The following SNX19 variants were observed in gnomAD, a reference collection of about 807,000 sequenced individuals.
The protein encoded by SNX19 is sorting nexin-19.
SNX19 carries 60 observed loss-of-function variants against 85.2 expected under a neutral mutation model. The observed-to-expected ratio is 0.70, with a 90% CI of 0.57 to 0.87. The LOEUF is 0.87. Ranked by LOEUF, SNX19 falls within the 40% of genes least tolerant of loss-of-function variation. The probability of loss-of-function intolerance (pLI) is 0.00; values close to 1 mark genes in which losing one functional copy is unlikely to be tolerated. For synonymous variants in SNX19, 520 were observed against 470.0 expected (o/e 1.11, Z -1.38); for missense variants, 1,201 against 1,217.8 (o/e 0.99, Z 0.21).
Position 130,914,706 on chromosome 11 carries a change from C to T in SNX19, c.1234G>A (p.Glu412Lys), listed in dbSNP as rs147295812. ...TCAGATGCCTCACCATCTTTGGGTT[C>T]CAGAGCCTGGGAACTCTCTAGGGCA... ...LCALESSQAL[E>K]PKDGEASEGA... Residue 412 changes from glutamate to lysine, a missense_variant, in exon 1 of 11, where the codon GAA becomes AAA. This residue lies in a region of SNX19 where 791 missense variants were observed against 750.9 expected (regional missense o/e 1.05). Coordinates refer to ENST00000265909, the MANE Select transcript of SNX19 (RefSeq NM_014758.3). 13 of 1,613,858 alleles carry T rather than the reference C, an allele frequency of 8.1e-6. No individual in the cohort carries two copies. The highest frequency in any genetic ancestry group is 1.3e-5 in the African/African-American group (1 of 74,880).
Position 130,866,254 on chromosome 11 carries a change from T to C in SNX19, c.*12168A>G, listed in dbSNP as rs546622518. Reference sequence around the variant, plus strand: ...CAATCAATTTAGGAATCAAGAAACATTTGTGTATCTATTTACTAAGCATTT... The same window carrying C: ...CAATCAATTTAGGAATCAAGAAACACTTGTGTATCTATTTACTAAGCATTT... On this transcript the variant is annotated 3_prime_UTR_variant, in exon 11 of 11. Transcript: ENST00000265909. 1 of 152,328 alleles carries C rather than the reference T, an allele frequency of 6.6e-6. No individual in the cohort carries two copies. Among genetic ancestry groups the C allele is most frequent in the African/African-American group, 2.4e-5 (1 of 41,572 alleles). 9.4% of individuals were successfully genotyped at this position (152,328 alleles called of 1,614,324 possible).
intron 8 of SNX19, among the ~76,000 whole-genome samples, chr11:130,889,348 A>G (rs1412828925): frequency 6.6e-6 from 1 of 152,044 alleles, no homozygotes; most frequent in Non-Finnish European, 1.5e-5. Flanking sequence ...TTGTTCATTC[A>G]TTTACTCAAA....
At chr11:130,894,545 A>C (rs1428573880) in intron 8 of SNX19, among the ~76,000 whole-genome samples, 1 of 152,056 alleles carries the variant, frequency 6.6e-6, no homozygotes, top group Non-Finnish European at 1.5e-5. Flanking sequence ...TATAACTGCA[A>C]AACAAACAGG....
At chr11:130,906,533 T>C (rs1945682953) in intron 6 of SNX19, 92 bp downstream of exon 6, 1 of 890,708 alleles carries the variant, frequency 1.1e-6, no homozygotes. Context: ...AGCAGGACAT[T>C]TCTGACTTCA....
chr11:130,888,527 C>G (rs1384247663), intron 8 of SNX19, among the ~76,000 whole-genome samples: 1 of 152,194 alleles, frequency 6.6e-6, no homozygotes, highest in Admixed American at 6.5e-5. Context: ...GTAACTACAA[C>G]TGCATGCTAA....
rs576404351 is a variant in SNX19 at position 130,898,842 on chromosome 11, T to C, written c.2573+4413A>G. ...AGATACGGAGATGCAGTTTGGATTC[T>C]ACAAACTGCCTGATAATCTCCAGTA... On this transcript the variant is annotated intron_variant, in intron 8 of 10. Coordinates refer to ENST00000265909, the MANE Select transcript of SNX19 (RefSeq NM_014758.3). 6.0e-4 allele frequency among the ~76,000 whole-genome samples: 91 copies of C among 151,654 alleles called. 1 individual carries two copies. Among genetic ancestry groups the C allele is most frequent in the Middle Eastern group, 3.4e-3 (1 of 292 alleles).
intron 8 of SNX19, among the ~76,000 whole-genome samples, chr11:130,887,940 C>A (rs1204700839): frequency 6.6e-6 from 1 of 152,058 alleles, no homozygotes; most frequent in Non-Finnish European, 1.5e-5. Context: ...TGTGACCTGA[C>A]CAGCAAAGAA....
At position 130,878,353 on chromosome 11, in the gene SNX19, T is replaced by C; in HGVS notation, c.*69A>G. On this transcript the variant is annotated 3_prime_UTR_variant, in exon 11 of 11. Transcript: ENST00000265909. The stretch of plus-strand genomic sequence containing the variant: ...TAGCCTACTTGAAGAGGGCACGGGC[T>C]TCCTGACTGGTCTCTGGTGGCCGAG... 1 of 1,559,914 alleles carries C rather than the reference T, an allele frequency of 6.4e-7. No individual in the cohort carries two copies. Among genetic ancestry groups the C allele is most frequent in the African/African-American group, 1.4e-5 (1 of 73,284 alleles).
chr11:130,906,256 T>C, intron 6 of SNX19, 123 bp from the exon 7 acceptor site: 1 of 929,752 alleles, frequency 1.1e-6, no homozygotes, highest in Non-Finnish European at 1.6e-6. Flanking sequence ...CAACTGATGC[T>C]ATGACTCCTT....
Position 130,880,748 on chromosome 11 carries a change from G to A in SNX19, c.2632C>T (p.Leu878=), listed in dbSNP as rs1024753395. ...GGCCAGATGGACTCCTGAAGAAGCA[G>A]GAGGTACTGCACCCAGCGCTGTGGA... ...TSPQRWVQYL[L]LLQESIWPGG... Residue 878 remains leucine, a synonymous_variant, in exon 9 of 11, where the codon CTG becomes TTG. Coordinates refer to ENST00000265909, the MANE Select transcript of SNX19 (RefSeq NM_014758.3). 10 of 1,609,824 alleles carry A rather than the reference G, an allele frequency of 6.2e-6. No homozygotes were observed. The highest frequency in any genetic ancestry group is 3.3e-5 in the Admixed American group (2 of 59,908).
At position 130,914,646 on chromosome 11, in the gene SNX19, T is replaced by C; in HGVS notation, c.1294A>G (p.Thr432Ala). 6.2e-7 allele frequency: 1 copy of C among 1,613,948 alleles called. No individual in the cohort carries two copies. Among genetic ancestry groups the C allele is most frequent in the Non-Finnish European group, 8.5e-7 (1 of 1,179,856 alleles). Reference sequence around the variant, plus strand: ...GTGGAGACCGGCAGGCCTGTCTCTGTTTCTGTCCCTGGACCCTCCTCAGCC... The same window carrying C: ...GTGGAGACCGGCAGGCCTGTCTCTGCTTCTGTCCCTGGACCCTCCTCAGCC... ...AEAEEGPGTE[T>A]ETGLPVSTLN... The change falls in exon 1 of 11, where the codon ACA (threonine) becomes GCA (alanine). Residue 432 changes from threonine (T) to alanine (A), a missense_variant. Around this residue, in one of 3 missense-constraint regions of SNX19, gnomAD observed 791 missense variants for 750.9 expected, o/e 1.05. Transcript: ENST00000265909.
At chr11:130,890,315 C>T (rs748437092) in intron 8 of SNX19, among the ~76,000 whole-genome samples, 19 of 152,062 alleles carry the variant, frequency 1.2e-4, no homozygotes, top group Non-Finnish European at 2.5e-4. Context: ...CAGCTGAATG[C>T]CTCATCACCT....
Position 130,911,628 on chromosome 11 carries a change from C to T in SNX19, c.1813+5G>A. ...CGGGCAGTAGGGGTTGGGGAAACTC[C>T]TGACTTTTGATGAACTTTCGTAGAT... On this transcript the variant is annotated splice_donor_5th_base_variant and intron_variant, in intron 2 of 10. Coordinates refer to ENST00000265909, the MANE Select transcript of SNX19 (RefSeq NM_014758.3). The T allele has an allele frequency of 1.2e-6, 2 of 1,614,092 alleles. No homozygotes were observed. The highest frequency in any genetic ancestry group is 1.7e-6 in the Non-Finnish European group (2 of 1,180,006).
In SNX19 at chr11:130,873,984, T is replaced by C. The variant is rs200462105; in HGVS notation, c.*4438A>G. On this transcript the variant is annotated 3_prime_UTR_variant, in exon 11 of 11. Coordinates refer to ENST00000265909, the MANE Select transcript of SNX19 (RefSeq NM_014758.3). ...CATTCTCAGTGTCAGTGGATTGGCA[T>C]GAGGTGGGTGGTTCTAGCCAATGAG... is the stretch of plus-strand genomic sequence containing the variant. Among the ~76,000 whole-genome samples, 1 of 152,112 alleles carries C rather than the reference T, an allele frequency of 6.6e-6. No homozygotes were observed. Among genetic ancestry groups the C allele is most frequent in the East Asian group, 1.9e-4 (1 of 5,162 alleles).
At chr11:130,900,585 C>T (rs1236763684) in intron 8 of SNX19, among the ~76,000 whole-genome samples, 1 of 152,168 alleles carries the variant, frequency 6.6e-6, no homozygotes, top group Non-Finnish European at 1.5e-5. Context: ...CTGAGTTATT[C>T]AAACTTCAGG....
intron 2 of SNX19, 43 bp downstream of exon 2, chr11:130,911,590 C>T (rs778272376): frequency 3.7e-6 from 6 of 1,611,668 alleles, no homozygotes; most frequent in African/African-American, 1.3e-5. Flanking sequence ...CGTGGCTCGA[C>T]GTGGGAAGCA....
In SNX19 at chr11:130,868,247, T is replaced by C. The variant is rs1233923931; in HGVS notation, c.*10175A>G. The C allele has an allele frequency of 6.6e-6, 1 of 152,188 alleles. No homozygotes were observed. The highest frequency in any genetic ancestry group is 2.4e-5 in the African/African-American group (1 of 41,444). 9.4% of individuals were successfully genotyped at this position (152,188 alleles called of 1,614,324 possible). ...CTGACAGGAAGAGAATTAGCCTCCT[T>C]TGGTGTTACTGCTCCTTCCCACTTT... On this transcript the variant is annotated 3_prime_UTR_variant, in exon 11 of 11. Transcript: ENST00000265909.
chr11:130,889,793 T>C (rs1466308274), intron 8 of SNX19, among the ~76,000 whole-genome samples: 1 of 152,168 alleles, frequency 6.6e-6, no homozygotes, highest in Non-Finnish European at 1.5e-5. Context: ...CTGTCTGTGG[T>C]CAGAAGTTCA....
chr11:130,878,725 A>G (rs529348913), intron 10 of SNX19, among the ~76,000 whole-genome samples, 171 bp from the exon 11 acceptor site: 42 of 152,262 alleles, frequency 2.8e-4, no homozygotes, highest in African/African-American at 9.6e-4. Context: ...CTCTGACCCT[A>G]ATAAAGGCAA....
Sources: allele counts gnomAD v4.1 joint callset (sites outside exome capture counted in the v4.1 genomes callset), GRCh38; gene constraint gnomAD v4.1.1; regional missense constraint gnomAD v4.1.1; transcripts MANE v1.5; gene names NCBI Gene and HGNC (gene_info 2026-07-23, HGNC 2026-07-21).